Variants in PRKG1 observed in about 807,000 individuals in gnomAD.
The protein encoded by PRKG1 is cGMP-dependent protein kinase 1.
A neutral mutation model predicts 88.1 loss-of-function variants in PRKG1; 35 were observed. The observed-to-expected ratio is 0.40, with a 90% CI of 0.30 to 0.53. PRKG1 has a LOEUF of 0.53. PRKG1 is among the 20% of genes least tolerant of loss of function. The pLI, the probability that PRKG1 is intolerant of heterozygous loss-of-function variation, is 0.59. For missense variants in PRKG1, 540 were observed against 839.8 expected (o/e 0.64, Z 4.41); for synonymous variants, 303 against 292.5 (o/e 1.04, Z -0.37).
intron 5 of PRKG1, among the ~76,000 whole-genome samples, chr10:52,009,450 AGAATACAGCTAACCAG>A (rs1357983452): frequency 5.3e-5 from 8 of 152,062 alleles, no homozygotes; most frequent in Non-Finnish European, 7.4e-5. Flanking sequence ...AAAATACCTA[AGAATACAGCTAACCAG>A]GAAGGTGAAA....
intron 3 of PRKG1, among the ~76,000 whole-genome samples, chr10:51,670,597 G>T (rs868060841): frequency 4.2e-4 from 62 of 148,572 alleles, no homozygotes; most frequent in African/African-American, 1.4e-3. Flanking sequence ...TTAGCCGGGC[G>T]TAGTGGCGGG....
intron 3 of PRKG1, among the ~76,000 whole-genome samples, chr10:51,572,387 TG>T (rs925517124): frequency 1.3e-5 from 2 of 151,836 alleles, no homozygotes; most frequent in Non-Finnish European, 2.9e-5. Flanking sequence ...CAAGGTGCAC[TG>T]TATAAATTTA....
At chr10:51,755,705 T>G (rs1366977033) in intron 3 of PRKG1, among the ~76,000 whole-genome samples, 3 of 152,254 alleles carry the variant, frequency 2.0e-5, no homozygotes. Flanking sequence ...CATTCTGTAT[T>G]GCAGACTGAT....
rs1317535704 is a variant in PRKG1, at chr10:51,312,072, A to G, written c.479-155651A>G. Among the ~76,000 whole-genome samples, 5 of 152,190 alleles carry G rather than the reference A, an allele frequency of 3.3e-5. No homozygotes were observed. The East Asian group carries it at 7.7e-4, about 24-fold the overall frequency. On this transcript the variant is annotated intron_variant, in intron 2 of 17. Coordinates refer to ENST00000373980, the MANE Select transcript of PRKG1 (RefSeq NM_006258.4). ...TTTTAGTTAGAGATGGGTTTTCTCCATGTTGGTCAGGTTGGTCTCGAACTC... is the reference window on the plus strand; with the variant it reads ...TTTTAGTTAGAGATGGGTTTTCTCCGTGTTGGTCAGGTTGGTCTCGAACTC...
intron 5 of PRKG1, among the ~76,000 whole-genome samples, chr10:52,042,140 C>A (rs898376990): frequency 1.7e-4 from 26 of 151,978 alleles, no homozygotes; most frequent in African/African-American, 5.3e-4. Context: ...TGTTGAAATG[C>A]CCATCTACCC....
intron 10 of PRKG1, among the ~76,000 whole-genome samples, chr10:52,265,536 G>A (rs1209253143): frequency 6.6e-6 from 1 of 152,062 alleles, no homozygotes; most frequent in African/African-American, 2.4e-5. Context: ...ACAGCCAGTG[G>A]TACTGAGCCA....
At chr10:52,009,365 C>T (rs543845182) in intron 5 of PRKG1, among the ~76,000 whole-genome samples, 2 of 152,116 alleles carry the variant, frequency 1.3e-5, no homozygotes, top group South Asian at 4.2e-4. Context: ...TAGTGTCATT[C>T]CTATGCACCA....
chr10:52,257,240 A>G (rs1296632760), intron 10 of PRKG1, among the ~76,000 whole-genome samples: 1 of 139,424 alleles, frequency 7.2e-6, no homozygotes, highest in East Asian at 2.1e-4. Flanking sequence ...GTGTCTGTTC[A>G]TGACATCCAT....
intron 3 of PRKG1, among the ~76,000 whole-genome samples, chr10:51,766,259 G>C (rs1838159968): frequency 1.3e-5 from 2 of 152,146 alleles, no homozygotes; most frequent in South Asian, 4.1e-4. Flanking sequence ...TGAGGGCTGG[G>C]CATCTCATTT....
chr10:51,346,199 C>T (rs950544851), intron 2 of PRKG1, among the ~76,000 whole-genome samples: 2 of 152,138 alleles, frequency 1.3e-5, no homozygotes, highest in Non-Finnish European at 2.9e-5. Flanking sequence ...ATAGTGTTCT[C>T]TCATAATTTA....
intron 2 of PRKG1, among the ~76,000 whole-genome samples, chr10:51,218,524 TATATATAA>T (rs550665282): frequency 0.053 from 6,521 of 122,702 alleles, 336 homozygotes; most frequent in Middle Eastern, 0.12. Flanking sequence ...TATATATATA[TATATATAA>T]AATGTGTGTA....
At chr10:51,961,798 T>C (rs972250737) in intron 5 of PRKG1, among the ~76,000 whole-genome samples, 2 of 152,172 alleles carry the variant, frequency 1.3e-5, no homozygotes, top group African/African-American at 4.8e-5. Context: ...CTTGAGGTAG[T>C]TTTTGGAGGC....
intron 9 of PRKG1, among the ~76,000 whole-genome samples, chr10:52,210,700 CATT>C (rs1839948849): frequency 6.6e-6 from 1 of 152,114 alleles, no homozygotes; most frequent in African/African-American, 2.4e-5. Flanking sequence ...CTGATACAGT[CATT>C]TAAATTCATC....
At chr10:51,906,564 G>A (rs1842090752) in intron 4 of PRKG1, among the ~76,000 whole-genome samples, 1 of 152,164 alleles carries the variant, frequency 6.6e-6, no homozygotes, top group Admixed American at 6.6e-5. Context: ...TTGGTTATAA[G>A]AGTTAAGTTA....
rs185047176 is a variant in PRKG1 at position 52,136,775 on chromosome 10, G to A, written c.1001+2870G>A. ...TATGCCCTTCCTCTTCTTACAGAAG[G>A]CATAGGATTCCCTTGGATTTAGCTG... On this transcript the variant is annotated intron_variant, in intron 8 of 17. Transcript: ENST00000373980. Among the ~76,000 whole-genome samples, 280 of 152,104 alleles carry A rather than the reference G, an allele frequency of 1.8e-3. 1 individual carries two copies. The highest frequency in any genetic ancestry group is 6.3e-3 in the African/African-American group (260 of 41,562).
chr10:52,241,954 AG>A (rs1394926931), intron 9 of PRKG1, among the ~76,000 whole-genome samples: 1 of 152,254 alleles, frequency 6.6e-6, no homozygotes, highest in Non-Finnish European at 1.5e-5. Flanking sequence ...TTAAATTTGA[AG>A]GCAAAACGTG....
rs149868812 is a variant in PRKG1, at chr10:51,203,269, T to C, written c.478+49939T>C. 1.8e-3 allele frequency among the ~76,000 whole-genome samples: 267 copies of C among 152,312 alleles called. 1 individual carries two copies. Among genetic ancestry groups the C allele is most frequent in the African/African-American group, 6.1e-3 (253 of 41,574 alleles). ...TTTTCAAACATTGGTGACAATTTAA[T>C]GGCAGGAATGATATTGTTATTTTCA... On this transcript the variant is annotated intron_variant, in intron 2 of 17. Coordinates refer to ENST00000373980, the MANE Select transcript of PRKG1 (RefSeq NM_006258.4).
chr10:51,676,053 T>C (rs1840701775), intron 3 of PRKG1, among the ~76,000 whole-genome samples: 1 of 151,724 alleles, frequency 6.6e-6, no homozygotes, highest in East Asian at 1.9e-4. Context: ...GAGAATCACT[T>C]ACAGCCAGGA....
chr10:52,211,079 T>C (rs909697345), intron 9 of PRKG1, among the ~76,000 whole-genome samples: 2 of 152,186 alleles, frequency 1.3e-5, no homozygotes, highest in Non-Finnish European at 1.5e-5. Context: ...GGATTTCTTT[T>C]TCCTGCTACA....
Sources: allele counts gnomAD v4.1 joint callset (sites outside exome capture counted in the v4.1 genomes callset), GRCh38; gene constraint gnomAD v4.1.1; transcripts MANE v1.5; gene names NCBI Gene and HGNC (gene_info 2026-07-23, HGNC 2026-07-21).